Variants in COL24A1 observed in about 807,000 individuals in gnomAD.
COL24A1 encodes the protein collagen type XXIV alpha 1 chain, also known as collagen alpha-1(XXIV) chain.
In COL24A1, 224 loss-of-function variants were observed where a neutral mutation model predicts 253.9. That is an observed-to-expected ratio of 0.88 (90% CI 0.79 to 0.99). The LOEUF (loss-of-function observed/expected upper bound fraction) is 0.99. Ranked by LOEUF, COL24A1 falls within the 50% of genes least tolerant of loss-of-function variation. The pLI is 0.00. For synonymous variants in COL24A1, 685 were observed against 673.7 expected, an observed-to-expected ratio of 1.02 and a Z score of -0.26; for missense variants, 2,131 against 2,068.5, an observed-to-expected ratio of 1.03 and a Z score of -0.59.
chr1:85,901,529 C>G (rs1684289840), intron 28 of COL24A1, among the ~76,000 whole-genome samples: 2 of 151,772 alleles, frequency 1.3e-5, no homozygotes, highest in South Asian at 2.1e-4. Context: ...AAAAATGGAG[C>G]CTGGGTGTGG....
At chr1:85,792,663 A>G (rs745984305) in intron 47 of COL24A1, among the ~76,000 whole-genome samples, 1 of 151,988 alleles carries the variant, frequency 6.6e-6, no homozygotes, top group Non-Finnish European at 1.5e-5. Flanking sequence ...AGCCATGATC[A>G]TGCCACTGCA....
chr1:85,875,413 A>G, intron 33 of COL24A1, 83 bp from the exon 34 acceptor site: 1 of 1,087,364 alleles, frequency 9.2e-7, no homozygotes, highest in Non-Finnish European at 1.4e-6. Context: ...CAAGGGTGAG[A>G]TACCTGTGTC....
intron 2 of COL24A1, among the ~76,000 whole-genome samples, chr1:86,128,196 T>C (rs1275483008): frequency 1.3e-5 from 2 of 152,048 alleles, no homozygotes; most frequent in African/African-American, 2.4e-5. Flanking sequence ...ATCCATAATA[T>C]GGCTGGTTGT....
At chr1:86,019,564 T>A (rs78964704) in intron 18 of COL24A1, among the ~76,000 whole-genome samples, 6 of 72,116 alleles carry the variant, frequency 8.3e-5, no homozygotes, top group African/African-American at 2.7e-4. Flanking sequence ...TCTCTAAAAA[T>A]TTTTTTTTTA....
Position 85,863,147 on chromosome 1 carries a change from G to A in COL24A1, c.3300+5372C>T, listed in dbSNP as rs1440612855. ...GTTATTGGTGCATAAGAATGCTTGT[G>A]ATTTTTGCACATTGATTTTGTATGC... On this transcript the variant is annotated intron_variant, in intron 37 of 59. Coordinates refer to ENST00000370571, the MANE Select transcript of COL24A1 (RefSeq NM_152890.7). Among the ~76,000 whole-genome samples, 3 of 152,306 alleles carry A rather than the reference G, an allele frequency of 2.0e-5. No homozygotes were observed. In the East Asian group the frequency reaches 5.8e-4, roughly 29 times the overall value.
intron 19 of COL24A1, among the ~76,000 whole-genome samples, chr1:85,996,133 A>C (rs1235553007): frequency 1.3e-5 from 2 of 152,200 alleles, no homozygotes; most frequent in East Asian, 3.9e-4. Context: ...CAACAAAAAA[A>C]GGTAATTGGT....
chr1:86,012,986 T>C (rs1408731240), intron 19 of COL24A1, among the ~76,000 whole-genome samples: 2 of 152,182 alleles, frequency 1.3e-5, no homozygotes, highest in East Asian at 1.9e-4. Flanking sequence ...TAATACATAC[T>C]GAACATTTCC....
chr1:85,986,825 A>G (rs1245679993), intron 20 of COL24A1, among the ~76,000 whole-genome samples: 1 of 151,840 alleles, frequency 6.6e-6, no homozygotes, highest in African/African-American at 2.4e-5. Flanking sequence ...CCTCCATAGC[A>G]GCTACATTTC....
intron 12 of COL24A1, among the ~76,000 whole-genome samples, chr1:86,042,428 T>C (rs1240911661): frequency 6.6e-6 from 1 of 152,130 alleles, no homozygotes; most frequent in Non-Finnish European, 1.5e-5. Flanking sequence ...CATTTCATTT[T>C]GGGAAAAAAG....
chr1:85,893,631 G>T (rs534878828), intron 31 of COL24A1, among the ~76,000 whole-genome samples: 1 of 152,056 alleles, frequency 6.6e-6, no homozygotes. Context: ...GGCAAGTATT[G>T]TATAGGAAAC....
intron 53 of COL24A1, among the ~76,000 whole-genome samples, chr1:85,771,142 G>T (rs970308824): frequency 6.6e-6 from 1 of 152,046 alleles, no homozygotes; most frequent in Non-Finnish European, 1.5e-5. Context: ...TGGGTTACAT[G>T]TGCAGAACGT....
At chr1:86,098,254 T>A (rs757465975) in intron 5 of COL24A1, among the ~76,000 whole-genome samples, 8 of 148,262 alleles carry the variant, frequency 5.4e-5, no homozygotes, top group Non-Finnish European at 8.9e-5. Flanking sequence ...TGACTGTAAA[T>A]TGGGGAAGAA....
At chr1:85,897,576 C>T (rs1000423735) in intron 28 of COL24A1, among the ~76,000 whole-genome samples, 2 of 152,014 alleles carry the variant, frequency 1.3e-5, no homozygotes, top group African/African-American at 2.4e-5. Flanking sequence ...TGAAAATATT[C>T]GTGTAAATTT....
chr1:85,890,472 A>C (rs974410600), intron 31 of COL24A1, among the ~76,000 whole-genome samples: 1 of 144,458 alleles, frequency 6.9e-6, no homozygotes, highest in Non-Finnish European at 1.5e-5. Flanking sequence ...TGGTGGTTTG[A>C]TTTTCATTTC....
At chr1:86,008,796 A>G (rs570172) in intron 19 of COL24A1, among the ~76,000 whole-genome samples, 27,564 of 152,056 alleles carry the variant, frequency 0.18, 3,163 homozygotes, top group African/African-American at 0.32. Flanking sequence ...TAAGGTAACC[A>G]GATATAAAAT....
chr1:85,862,765 T>A (rs1275611654), intron 37 of COL24A1, among the ~76,000 whole-genome samples: 1 of 152,198 alleles, frequency 6.6e-6, no homozygotes, highest in East Asian at 1.9e-4. Flanking sequence ...AATCATTTAC[T>A]CCATAATGCC....
chr1:85,849,460 G>A, intron 37 of COL24A1, 54 bp from the exon 38 acceptor site: 5 of 1,331,664 alleles, frequency 3.8e-6, no homozygotes, highest in Non-Finnish European at 5.4e-6. Flanking sequence ...AGATGAGATG[G>A]AGTATTTGAA....
chr1:85,975,748 ATGGCATGCTGCTACAAAT>A (rs1692610472), intron 20 of COL24A1, among the ~76,000 whole-genome samples: 1 of 152,164 alleles, frequency 6.6e-6, no homozygotes, highest in African/African-American at 2.4e-5. Flanking sequence ...TCTGACAGAA[ATGGCATGCTGCTACAAAT>A]TCTGCAAGAC....
In COL24A1 at chr1:85,744,727, TG is replaced by T; in HGVS notation, c.4610del (p.Thr1537AsnfsTer56). Reference sequence around the variant, plus strand: ...TGCAGATTCGTGCTGGGTTATCTCGTGTGCCAAGAGGATTCTTGATGCTGTG... The same window carrying T: ...TGCAGATTCGTGCTGGGTTATCTCGTTGCCAAGAGGATTCTTGATGCTGTG... ...LLHSIKNPLG[T>X]RDNPARICKD... On this transcript the variant is annotated frameshift_variant, in exon 57 of 60. Transcript: ENST00000370571. LOFTEE classifies it high-confidence loss of function. The T allele has an allele frequency of 7.5e-6, 12 of 1,609,894 alleles. No individual in the cohort carries two copies. Among genetic ancestry groups the T allele is most frequent in the Non-Finnish European group, 1.0e-5 (12 of 1,178,894 alleles).
Sources: gnomAD v4.1 joint callset for allele counts (sites outside exome capture counted in the v4.1 genomes callset) on GRCh38, gnomAD v4.1.1 for gene constraint, MANE v1.5 for transcripts, NCBI Gene and HGNC (gene_info 2026-07-23, HGNC 2026-07-21) for gene names.